The following DNAH7 variants were observed in gnomAD, a reference collection of about 807,000 sequenced individuals.
The protein encoded by DNAH7 is axonemal beta dynein heavy chain 7.
DNAH7 carries 397 observed loss-of-function variants against 444.6 expected under a neutral mutation model. The observed-to-expected ratio is 0.89, with a 90% CI of 0.82 to 0.97. DNAH7 has a LOEUF of 0.97. DNAH7 is among the 50% of genes least tolerant of loss of function. The pLI, the probability that DNAH7 is intolerant of heterozygous loss-of-function variation, is 0.00. For synonymous variants in DNAH7, 1,636 were observed against 1,624.4 expected, an observed-to-expected ratio of 1.01 and a Z score of -0.17; for missense variants, 4,902 against 4,800.8, an observed-to-expected ratio of 1.02 and a Z score of -0.62.
intron 64 of DNAH7, 104 bp downstream of exon 64, chr2:195,740,652 CACACACACAT>C (rs1559062401): frequency 2.6e-3 from 117 of 45,284 alleles, no homozygotes; most frequent in African/African-American, 9.0e-3. Context: ...TATACATATA[CACACACACAT>C]ATGTATACAC....
At chr2:195,965,102 G>GC (rs1294069573) in intron 17 of DNAH7, among the ~76,000 whole-genome samples, 2 of 152,196 alleles carry the variant, frequency 1.3e-5, no homozygotes, top group Non-Finnish European at 2.9e-5. Context: ...CTACCTGTGG[G>GC]TCTGTCTTTT....
At chr2:196,055,755 C>T (rs16844343) in intron 2 of DNAH7, among the ~76,000 whole-genome samples, 5,709 of 152,204 alleles carry the variant, frequency 0.038, 243 homozygotes, top group African/African-American at 0.099. Context: ...AGAGGTAATT[C>T]GAATGACATC....
At chr2:195,944,737 T>C (rs376580307) in intron 19 of DNAH7, among the ~76,000 whole-genome samples, 102 of 152,272 alleles carry the variant, frequency 6.7e-4, no homozygotes, top group South Asian at 1.4e-3. Context: ...ATCAAATTTG[T>C]AGCTATGAGA....
chr2:195,755,996 G>A, intron 62 of DNAH7, 137 bp downstream of exon 62: 1 of 822,608 alleles, frequency 1.2e-6, no homozygotes, highest in Non-Finnish European at 1.8e-6. Flanking sequence ...TACATTATAT[G>A]AAATATTAAG....
chr2:195,886,725 C>A (rs1193966547), intron 33 of DNAH7, among the ~76,000 whole-genome samples: 1 of 152,152 alleles, frequency 6.6e-6, no homozygotes, highest in African/African-American at 2.4e-5. Flanking sequence ...AAAAGCCTTG[C>A]TGGAGTGCTG....
chr2:196,040,386 G>A (rs186913705), intron 5 of DNAH7, among the ~76,000 whole-genome samples: 16 of 152,110 alleles, frequency 1.1e-4, no homozygotes, highest in African/African-American at 3.9e-4. Context: ...CCACAATCAA[G>A]GGGGATATAT....
rs1696073069 is a variant in DNAH7 at position 195,795,114 on chromosome 2, C to CT, written c.10516-577dup. On this transcript the variant is annotated intron_variant, in intron 56 of 64. Transcript: ENST00000312428. ...ACCTCTGATAGGCCAGGCATGATGG[C>CT]TCACGCCTGTAATCCCAGCACTTTG... is the stretch of plus-strand genomic sequence containing the variant. Among the ~76,000 whole-genome samples the CT allele has an allele frequency of 1.3e-5, 2 of 152,216 alleles. 1 individual carries two copies. Among genetic ancestry groups the CT allele is most frequent in the South Asian group, 4.1e-4 (2 of 4,834 alleles).
intron 57 of DNAH7, among the ~76,000 whole-genome samples, 182 bp from the exon 58 acceptor site, chr2:195,787,353 G>A (rs962414948): frequency 1.4e-4 from 21 of 152,104 alleles, no homozygotes; most frequent in South Asian, 8.3e-4. Context: ...AAGTATGTCC[G>A]TCTGTGTATA....
At chr2:195,824,164 T>C in intron 49 of DNAH7, 91 bp downstream of exon 49, 1 of 1,242,958 alleles carries the variant, frequency 8.0e-7, no homozygotes, top group Admixed American at 2.7e-5. Flanking sequence ...TCCGTTTTTC[T>C]TAGGAAGACT....
At chr2:195,814,536 A>G (rs1044696046) in intron 51 of DNAH7, among the ~76,000 whole-genome samples, 1 of 152,220 alleles carries the variant, frequency 6.6e-6, no homozygotes, top group Non-Finnish European at 1.5e-5. Context: ...TAAAGCTTAT[A>G]TGAAAAATGT....
At chr2:195,766,191 T>TTTTTTTA (rs1491573632) in intron 61 of DNAH7, among the ~76,000 whole-genome samples, 1 of 136,008 alleles carries the variant, frequency 7.4e-6, no homozygotes, top group African/African-American at 2.8e-5. Context: ...TTTTTTTTTT[T>TTTTTTTA]GAGACAGAGT....
chr2:196,059,156 A>G (rs1452829347), intron 1 of DNAH7, among the ~76,000 whole-genome samples: 3 of 151,254 alleles, frequency 2.0e-5, no homozygotes, highest in South Asian at 4.1e-4. Context: ...CTCTATAACT[A>G]AAACTTCAAT....
chr2:195,910,719 A>T (rs1687308029), intron 24 of DNAH7, among the ~76,000 whole-genome samples: 2 of 152,258 alleles, frequency 1.3e-5, no homozygotes, highest in South Asian at 2.1e-4. Context: ...GGGGAGCTGG[A>T]ATGGATCCAC....
chr2:196,024,480 C>T lies in DNAH7; in HGVS notation c.692G>A (p.Arg231Gln), dbSNP rs752455032. 2.3e-5 allele frequency: 37 copies of T among 1,577,218 alleles called. No individual in the cohort carries two copies. The East Asian group carries it at 5.4e-4, about 23-fold the overall frequency. The change falls in exon 8 of 65, where the codon CGA becomes CAA. Residue 231 changes from arginine (R) to glutamine (Q), a missense_variant. Arg to Gln is a conservative substitution (Grantham distance 43, BLOSUM62 1). Transcript: ENST00000312428. The stretch of plus-strand genomic sequence containing the variant: ...TGTCTTCTTATCATCTCCTTTCTCT[C>T]GAGGATCTTTTAAAACAAAATCAAC... ...SIVDFVLKDP[R>Q]EKGDDKKTDE...
Position 195,972,398 on chromosome 2 carries a change from GT to G in DNAH7, c.1901del (p.Asn634ThrfsTer17), listed in dbSNP as rs1334791114. The G allele has an allele frequency of 6.2e-7, 1 of 1,613,972 alleles. No homozygotes were observed. The highest frequency in any genetic ancestry group is 8.5e-7 in the Non-Finnish European group (1 of 1,180,002). ...CATACTCGATGAGGAAGGCGAGGCAGTTTTTGGAATCCACTAATCTCTGTTC... is the reference window on the plus strand; with the variant it reads ...CATACTCGATGAGGAAGGCGAGGCAGTTTTGGAATCCACTAATCTCTGTTC... ...ELEQRLVDSK[N>X]CLAFLIEYVN... On this transcript the variant is annotated frameshift_variant, in exon 16 of 65. Transcript: ENST00000312428. LOFTEE classifies it high-confidence loss of function.
In DNAH7 at chr2:195,960,756, C is replaced by G. The variant is rs1296143877; in HGVS notation, c.2395G>C (p.Asp799His). 6.2e-7 allele frequency: 1 copy of G among 1,614,118 alleles called. No homozygotes were observed. Among genetic ancestry groups the G allele is most frequent in the Non-Finnish European group, 8.5e-7 (1 of 1,180,002 alleles). Residue 799 changes from aspartate (D) to histidine (H), a missense_variant, in exon 18 of 65, where the codon GAT becomes CAT. Physicochemically the swap from Asp to His is moderately conservative, Grantham distance 81. Transcript: ENST00000312428. ...AATCCTCTCCAGTAATTTCCAATAT[C>G]TGCTTCTACTTGGTCTGGATTCACT... is the stretch of plus-strand genomic sequence containing the variant. ...HKVNPDQVEA[D>H]IGNYWRGLYK...
intron 63 of DNAH7, among the ~76,000 whole-genome samples, chr2:195,750,169 A>G (rs1463154159): frequency 6.6e-6 from 1 of 152,176 alleles, no homozygotes; most frequent in Non-Finnish European, 1.5e-5. Flanking sequence ...CACTGTTTTC[A>G]AGATGATTTT....
At chr2:195,891,382 C>T (rs1361491198) in intron 31 of DNAH7, among the ~76,000 whole-genome samples, 3 of 151,340 alleles carry the variant, frequency 2.0e-5, no homozygotes, top group Admixed American at 6.6e-5. Flanking sequence ...CATCTCACTT[C>T]GGAGAAAATA....
chr2:195,818,742 C>T (rs1004212564), intron 49 of DNAH7, among the ~76,000 whole-genome samples: 28 of 152,262 alleles, frequency 1.8e-4, no homozygotes, highest in Non-Finnish European at 2.8e-4. Context: ...TAGTAACTTC[C>T]TGGCTCTGGT....
Sources: gnomAD v4.1 joint callset for allele counts (sites outside exome capture counted in the v4.1 genomes callset) on GRCh38, gnomAD v4.1.1 for gene constraint, MANE v1.5 for transcripts, NCBI Gene and HGNC (gene_info 2026-07-23, HGNC 2026-07-21) for gene names.